Variants in PITPNB observed in about 807,000 individuals in gnomAD.
The protein encoded by PITPNB is phosphatidylinositol transfer protein beta isoform.
Under a neutral mutation model 45.9 loss-of-function variants are expected in PITPNB, and 16 were observed. The observed-to-expected ratio is 0.35, with a 90% CI of 0.24 to 0.53. The LOEUF (loss-of-function observed/expected upper bound fraction) is 0.53. Ranked by LOEUF, PITPNB falls within the 20% of genes least tolerant of loss-of-function variation. The probability of loss-of-function intolerance (pLI) is 0.93; values close to 1 mark genes in which losing one functional copy is unlikely to be tolerated. For missense variants in PITPNB, 188 were observed against 330.5 expected (o/e 0.57, Z 3.34); for synonymous variants, 112 against 108.9 (o/e 1.03, Z -0.18).
chr22:27,872,089 T>G (rs921965979), intron 8 of PITPNB, among the ~76,000 whole-genome samples: 8 of 133,256 alleles, frequency 6.0e-5, no homozygotes, highest in African/African-American at 2.0e-4. Flanking sequence ...TGGTTTTTTT[T>G]TTTTTTTTTT....
At chr22:27,882,072 C>G (rs1934990219) in intron 7 of PITPNB, among the ~76,000 whole-genome samples, 1 of 152,110 alleles carries the variant, frequency 6.6e-6, no homozygotes, top group South Asian at 2.1e-4. Context: ...AATGTATGAT[C>G]AAAAGAAAAG....
At chr22:27,897,762 G>T in intron 4 of PITPNB, 39 bp downstream of exon 4, 2 of 1,263,916 alleles carry the variant, frequency 1.6e-6, no homozygotes, top group South Asian at 1.2e-5. Flanking sequence ...CTCATTCTCA[G>T]GGTGGAGGGG....
At chr22:27,882,686 A>C (rs1212763217) in intron 7 of PITPNB, among the ~76,000 whole-genome samples, 1 of 152,226 alleles carries the variant, frequency 6.6e-6, no homozygotes, top group Non-Finnish European at 1.5e-5. Context: ...CGTGGCTCCG[A>C]TTAGTCTTTG....
In PITPNB at chr22:27,869,498, G is replaced by A. The variant is rs1366450306; in HGVS notation, c.534+4240C>T. On this transcript the variant is annotated intron_variant, in intron 8 of 11. Transcript: ENST00000335272. Reference sequence around the variant, plus strand: ...CTGTGTGGCTCTCTGCTTTATGCATGACCAAATAAAATCACTCATTAAACA... The same window carrying A: ...CTGTGTGGCTCTCTGCTTTATGCATAACCAAATAAAATCACTCATTAAACA... 2.0e-5 allele frequency among the ~76,000 whole-genome samples: 3 copies of A among 151,346 alleles called. No individual in the cohort carries two copies. In the East Asian group the frequency reaches 5.9e-4, roughly 30 times the overall value.
intron 3 of PITPNB, among the ~76,000 whole-genome samples, chr22:27,910,196 C>G (rs574297960): frequency 6.6e-6 from 1 of 151,968 alleles, no homozygotes; most frequent in Non-Finnish European, 1.5e-5. Context: ...GTAATCTGCC[C>G]GCCTCAGCCT....
At chr22:27,896,499 A>G in intron 6 of PITPNB, 53 bp downstream of exon 6, 1 of 1,144,220 alleles carries the variant, frequency 8.7e-7, no homozygotes, top group Non-Finnish European at 1.3e-6. Context: ...AACTACATAT[A>G]GAATTCTCGT....
chr22:27,858,796 C>T (rs1391908427), intron 9 of PITPNB, among the ~76,000 whole-genome samples: 2 of 152,124 alleles, frequency 1.3e-5, no homozygotes, highest in African/African-American at 4.8e-5. Flanking sequence ...TAATCCAACA[C>T]ATTCCTGCTG....
intron 3 of PITPNB, among the ~76,000 whole-genome samples, chr22:27,901,736 T>C (rs944764188): frequency 6.6e-6 from 1 of 151,844 alleles, no homozygotes; most frequent in African/African-American, 2.4e-5. Flanking sequence ...ACACAAAAAT[T>C]AGCTGGACAT....
chr22:27,918,705 G>T lies in PITPNB; in HGVS notation c.20+467C>A, dbSNP rs533960122. 2.6e-5 allele frequency among the ~76,000 whole-genome samples: 4 copies of T among 152,302 alleles called. No individual in the cohort carries two copies. The East Asian group carries it at 7.7e-4, about 29-fold the overall frequency. On this transcript the variant is annotated intron_variant, in intron 1 of 11. Transcript: ENST00000335272. ...TCCCACCGCGAGTCCTGACACGAGG[G>T]CTGCCTTCAACCGGCAAGCCCATCT...
At chr22:27,859,067 A>C (rs5762388) in intron 9 of PITPNB, among the ~76,000 whole-genome samples, 80,361 of 152,058 alleles carry the variant, frequency 0.53, 22,200 homozygotes, top group African/African-American at 0.66. Context: ...GTTTCAATTG[A>C]TGGATTATTT....
intron 8 of PITPNB, among the ~76,000 whole-genome samples, chr22:27,861,676 G>C (rs544590351): frequency 6.6e-6 from 1 of 152,308 alleles, no homozygotes. Flanking sequence ...GAGGCAGACT[G>C]CAAGTATGGT....
chr22:27,860,068 C>T, intron 9 of PITPNB, 63 bp downstream of exon 9: 1 of 880,240 alleles, frequency 1.1e-6, no homozygotes, highest in Non-Finnish European at 1.9e-6. Context: ...AGAAGATATC[C>T]CATTAATAGC....
rs1248639415 is a variant in PITPNB at position 27,853,467 on chromosome 22, G to C, written c.*235C>G. 1.6e-6 allele frequency: 1 copy of C among 644,848 alleles called. No homozygotes were observed. Among genetic ancestry groups the C allele is most frequent in the African/African-American group, 1.8e-5 (1 of 55,592 alleles). 39.9% of individuals were successfully genotyped at this position (644,848 alleles called of 1,614,324 possible). On this transcript the variant is annotated 3_prime_UTR_variant, in exon 12 of 12. Coordinates refer to ENST00000335272, the MANE Select transcript of PITPNB (RefSeq NM_012399.5). Reference sequence around the variant, plus strand: ...ACAAGTGTGTGTATCTGGATCTGTAGCTCTACATGCGCTTTATATACAGCT... The same window carrying C: ...ACAAGTGTGTGTATCTGGATCTGTACCTCTACATGCGCTTTATATACAGCT...
intron 3 of PITPNB, among the ~76,000 whole-genome samples, chr22:27,906,035 G>C (rs542831867): frequency 6.6e-6 from 1 of 152,182 alleles, no homozygotes; most frequent in Admixed American, 6.5e-5. Context: ...TGCACATATG[G>C]AAATATATGA....
At chr22:27,896,710 G>T in intron 5 of PITPNB, 84 bp from the exon 6 acceptor site, 1 of 836,358 alleles carries the variant, frequency 1.2e-6, no homozygotes, top group Non-Finnish European at 2.0e-6. Context: ...TCCCAGTATA[G>T]GCATCCATGC....
At chr22:27,876,861 T>A (rs8142319) in intron 7 of PITPNB, among the ~76,000 whole-genome samples, 6,301 of 152,280 alleles carry the variant, frequency 0.041, 204 homozygotes, top group South Asian at 0.11. Flanking sequence ...TCTGTCTCCT[T>A]TGGGATCCCA....
At chr22:27,880,244 TAC>T (rs2146376010) in intron 7 of PITPNB, among the ~76,000 whole-genome samples, 1 of 152,298 alleles carries the variant, frequency 6.6e-6, no homozygotes, top group African/African-American at 2.4e-5. Context: ...AAATGTGATT[TAC>T]ATTCTACCAT....
At chr22:27,910,830 C>T in intron 3 of PITPNB, 134 bp downstream of exon 3, 1 of 637,244 alleles carries the variant, frequency 1.6e-6, no homozygotes, top group Non-Finnish European at 2.8e-6. Flanking sequence ...GAGGTTCTGC[C>T]AAAGAATTAA....
At chr22:27,873,952 A>G (rs2146366916) in intron 7 of PITPNB, 137 bp from the exon 8 acceptor site, 1 of 616,422 alleles carries the variant, frequency 1.6e-6, no homozygotes, top group South Asian at 1.9e-5. Context: ...GTAAAAGTAG[A>G]AAAATGCTTC....
Sources: gnomAD v4.1 joint callset for allele counts (sites outside exome capture counted in the v4.1 genomes callset) on GRCh38, gnomAD v4.1.1 for gene constraint, MANE v1.5 for transcripts, NCBI Gene and HGNC (gene_info 2026-07-23, HGNC 2026-07-21) for gene names.